DIAPH2: variants seen among roughly 807,000 people sequenced by gnomAD.
DIAPH2 encodes the protein diaphanous related formin 2, also known as protein diaphanous homolog 2.
DIAPH2 carries 35 observed loss-of-function variants against 92.7 expected under a neutral mutation model. The ratio of observed to expected loss-of-function variants is 0.38; its 90% CI spans 0.29 to 0.50. The LOEUF (loss-of-function observed/expected upper bound fraction) is 0.50, where lower values mean the gene tolerates loss of function less well. Among genes scored for constraint, DIAPH2 ranks in the 20% least tolerant of loss-of-function variants. DIAPH2 has a pLI of 0.94. For synonymous variants in DIAPH2, 301 were observed against 280.4 expected (o/e 1.07, Z -0.73); for missense variants, 701 against 819.5 (o/e 0.86, Z 1.77).
chrX:97,527,815 A>G (rs1379653273), intron 26 of DIAPH2, among the ~76,000 whole-genome samples: 1 of 112,105 alleles, frequency 8.9e-6, no homozygotes, highest in African/African-American at 3.2e-5. Context: ...GCTCATGAGC[A>G]TTTTTGAAGA....
chrX:96,751,213 A>G (rs745954354), intron 3 of DIAPH2, among the ~76,000 whole-genome samples: 30 of 111,615 alleles, frequency 2.7e-4, no homozygotes, highest in Non-Finnish European at 4.9e-4. Flanking sequence ...GAATTTGTCT[A>G]TAATAGGAAA....
intron 1 of DIAPH2, among the ~76,000 whole-genome samples, chrX:96,711,264 T>C (rs1244445304): frequency 1.8e-5 from 2 of 112,124 alleles, no homozygotes; most frequent in Non-Finnish European, 3.8e-5. Flanking sequence ...CTGTTTTCCA[T>C]AGTGGTTGTA....
At chrX:97,340,445 A>T (rs1206417057) in intron 23 of DIAPH2, among the ~76,000 whole-genome samples, 2 of 110,840 alleles carry the variant, frequency 1.8e-5, no homozygotes, top group African/African-American at 6.6e-5. Context: ...ACCCAGATCA[A>T]ATCTCTACTG....
intron 17 of DIAPH2, among the ~76,000 whole-genome samples, chrX:96,991,769 A>G (rs1417251727): frequency 9.1e-6 from 1 of 110,351 alleles, no homozygotes; most frequent in African/African-American, 3.3e-5. Context: ...TCCATAATGG[A>G]TGACTGGAAA....
Position 96,829,931 on chromosome X carries a change from T to C in DIAPH2, c.448-51648T>C, listed in dbSNP as rs73549719. ...GAAATTGACAACATGATGTGTATTTTTATCTGGAAGTAAACATCTGGGAAT... is the reference window on the plus strand; with the variant it reads ...GAAATTGACAACATGATGTGTATTTCTATCTGGAAGTAAACATCTGGGAAT... On this transcript the variant is annotated intron_variant, in intron 4 of 26. Transcript: ENST00000324765. Among the ~76,000 whole-genome samples, 894 of 110,266 alleles carry C rather than the reference T, an allele frequency of 8.1e-3. 13 individuals are homozygous for C. Among genetic ancestry groups the C allele is most frequent in the African/African-American group, 0.028 (856 of 30,318 alleles).
intron 26 of DIAPH2, among the ~76,000 whole-genome samples, chrX:97,444,867 C>T (rs1419511269): frequency 4.5e-5 from 5 of 111,636 alleles, no homozygotes; most frequent in African/African-American, 1.6e-4. Context: ...CTCTTTTGCA[C>T]CTGGAAGAAC....
At chrX:97,105,390 C>T (rs1298802114) in intron 20 of DIAPH2, among the ~76,000 whole-genome samples, 1 of 111,592 alleles carries the variant, frequency 9.0e-6, no homozygotes, top group Non-Finnish European at 1.9e-5. Flanking sequence ...CATGCTCGCT[C>T]CCACATATTG....
chrX:97,048,438 A>G (rs1004997495), intron 17 of DIAPH2, among the ~76,000 whole-genome samples: 4 of 111,882 alleles, frequency 3.6e-5, no homozygotes, highest in African/African-American at 1.3e-4. Flanking sequence ...TATGAGGTAT[A>G]CACCTGGAGG....
At chrX:97,219,371 T>A (rs2067907304) in intron 22 of DIAPH2, among the ~76,000 whole-genome samples, 1 of 112,031 alleles carries the variant, frequency 8.9e-6, no homozygotes, top group African/African-American at 3.2e-5. Flanking sequence ...ATAGGGATAA[T>A]ATGGGCAAAT....
intron 4 of DIAPH2, among the ~76,000 whole-genome samples, chrX:96,831,983 C>A (rs1469218119): frequency 9.0e-6 from 1 of 111,304 alleles, no homozygotes; most frequent in East Asian, 2.8e-4. Flanking sequence ...CATAGCCACA[C>A]CTAACTTCAA....
intron 5 of DIAPH2, among the ~76,000 whole-genome samples, chrX:96,904,051 G>T (rs1030689283): frequency 8.0e-5 from 9 of 111,973 alleles, no homozygotes; most frequent in Admixed American, 7.6e-4. Context: ...ACTTTGTAAG[G>T]AACTCCTAAA....
chrX:96,751,895 C>T (rs1208066702), intron 3 of DIAPH2, among the ~76,000 whole-genome samples: 6 of 96,908 alleles, frequency 6.2e-5, no homozygotes, highest in African/African-American at 1.4e-4. Context: ...CCTCGTGATC[C>T]GCCCGCCTCG....
At chrX:97,328,697 A>T (rs1458749923) in intron 23 of DIAPH2, among the ~76,000 whole-genome samples, 2 of 111,524 alleles carry the variant, frequency 1.8e-5, no homozygotes, top group Non-Finnish European at 3.8e-5. Flanking sequence ...TTTAATTAGA[A>T]AAAATAATTT....
intron 17 of DIAPH2, among the ~76,000 whole-genome samples, chrX:97,035,925 C>T (rs1357686982): frequency 9.2e-6 from 1 of 109,048 alleles, no homozygotes; most frequent in African/African-American, 3.3e-5. Context: ...GGGAGGATCC[C>T]CTGAGACCCT....
At chrX:96,817,648 G>A (rs2064746474) in intron 4 of DIAPH2, among the ~76,000 whole-genome samples, 1 of 111,032 alleles carries the variant, frequency 9.0e-6, no homozygotes, top group South Asian at 3.9e-4. Flanking sequence ...AGAGTGCCAA[G>A]GTGGTCGGGT....
chrX:96,777,677 T>C (rs910441216), intron 4 of DIAPH2, among the ~76,000 whole-genome samples: 3 of 111,825 alleles, frequency 2.7e-5, no homozygotes, highest in Non-Finnish European at 3.8e-5. Flanking sequence ...TGTGTGTGAG[T>C]ACACAAATGC....
At chrX:97,346,669 G>C (rs1189011100) in intron 23 of DIAPH2, among the ~76,000 whole-genome samples, 7 of 111,619 alleles carry the variant, frequency 6.3e-5, no homozygotes, top group African/African-American at 2.3e-4. Flanking sequence ...ATGAAGAGTG[G>C]ACAGTAGGGA....
chrX:97,120,191 G>A (rs1266546557), intron 21 of DIAPH2, among the ~76,000 whole-genome samples: 1 of 110,712 alleles, frequency 9.0e-6, no homozygotes, highest in Non-Finnish European at 1.9e-5. Flanking sequence ...AGCCTGCTTG[G>A]GGACCCAGCG....
chrX:96,685,121 C>A lies in DIAPH2; in HGVS notation c.63C>A (p.Gly21=). ...GCGGCAGCGAGGAACCCGGTGGGGG[C>A]CGGAGCAACAAGCGGAGCGCGGGGA... ...AGGGSEEPGG[G]RSNKRSAGNR... Residue 21 remains glycine (G), a synonymous_variant, in exon 1 of 27, where the codon GGC becomes GGA. Coordinates refer to ENST00000324765, the MANE Select transcript of DIAPH2 (RefSeq NM_006729.5). 9.8e-7 allele frequency: 1 copy of A among 1,016,107 alleles called. No individual in the cohort carries two copies. Among genetic ancestry groups the A allele is most frequent in the Non-Finnish European group, 1.3e-6 (1 of 794,546 alleles). The allele number at this position is 1,016,107 out of a possible 1,213,427, so 83.7% of individuals were successfully genotyped here. A position where few individuals can be genotyped will look rare whatever the true frequency, so the allele number is the denominator to read the frequency against.
Sources: gnomAD v4.1 joint callset for allele counts (sites outside exome capture counted in the v4.1 genomes callset) on GRCh38, gnomAD v4.1.1 for gene constraint, MANE v1.5 for transcripts, NCBI Gene and HGNC (gene_info 2026-07-23, HGNC 2026-07-21) for gene names.